The following AGO1 variants were observed in gnomAD, a reference collection of about 807,000 sequenced individuals.
AGO1 encodes the protein argonaute RISC component 1.
AGO1 carries 11 observed loss-of-function variants against 109.2 expected under a neutral mutation model. The ratio of observed to expected loss-of-function variants is 0.10; its 90% confidence interval spans 0.06 to 0.17. The LOEUF (loss-of-function observed/expected upper bound fraction) is 0.17, where lower values mean the gene tolerates loss of function less well. AGO1 is among the 10% of genes least tolerant of loss of function. AGO1 has a pLI of 1.00. For missense variants in AGO1, 574 were observed against 1,140.3 expected (o/e 0.50, Z 7.15); for synonymous variants, 422 against 418.6 (o/e 1.01, Z -0.10).
At chr1:35,912,851 C>T (rs55776148) in intron 12 of AGO1, among the ~76,000 whole-genome samples, 2 of 152,154 alleles carry the variant, frequency 1.3e-5, no homozygotes, top group African/African-American at 2.4e-5. Context: ...GGATTACAGG[C>T]GTAAGCCACC....
upstream of AGO1, chr1:35,882,952 A>T (rs1645052344): frequency 1.0e-6 from 1 of 970,446 alleles, no homozygotes; most frequent in Non-Finnish European, 1.2e-6. This position sits in a 1 kb window ranked among gnomAD's most constrained non-coding sequence, Gnocchi z 5.1. Flanking sequence ...GGAGGGACCT[A>T]TTTGGGGAAA....
Position 35,893,087 on chromosome 1 carries a change from C to T in AGO1, c.331-10C>T. On this transcript the variant is annotated splice_polypyrimidine_tract_variant and intron_variant, in intron 3 of 18. Transcript: ENST00000373204. The surrounding 1 kb of genome is among the most constrained non-coding windows in gnomAD (Gnocchi z 5.6). ...GCAATCCTTCATCCCTTTCTTTCAC[C>T]CTCCTGAAGGTCGACTTTGAGGTGA... 1 of 1,612,380 alleles carries T rather than the reference C, an allele frequency of 6.2e-7. No individual in the cohort carries two copies. Among genetic ancestry groups the T allele is most frequent in the East Asian group, 2.2e-5 (1 of 44,844 alleles).
chr1:35,899,652 A>G (rs1024524565), intron 8 of AGO1, among the ~76,000 whole-genome samples: 2 of 152,198 alleles, frequency 1.3e-5, no homozygotes, highest in African/African-American at 4.8e-5. Context: ...TGAATTGACT[A>G]TTTTGTTTAT....
Position 35,877,850 on chromosome 1 carries a change from G to A in AGO1, c.-201+7947G>A, listed in dbSNP as rs190320859. On this transcript the variant is annotated intron_variant, in intron 1 of 18. Transcript: ENST00000373206. ...CTGAGTAGCAGGCGAGCGCCACCACGCCCAGCTAATTTTTGTATTTTTAGT... is the reference window on the plus strand; with the variant it reads ...CTGAGTAGCAGGCGAGCGCCACCACACCCAGCTAATTTTTGTATTTTTAGT... Among the ~76,000 whole-genome samples the A allele has an allele frequency of 2.6e-5, 4 of 151,520 alleles. No homozygotes were observed. In the East Asian group the frequency reaches 7.8e-4, roughly 30 times the overall value.
chr1:35,926,232 C>T lies in AGO1; in HGVS notation c.*6625C>T, dbSNP rs1645924616. On this transcript the variant is annotated 3_prime_UTR_variant, in exon 19 of 19. Coordinates refer to ENST00000373204, the MANE Select transcript of AGO1 (RefSeq NM_012199.5). ...GAAAAGATTGATATTGAAAAGCCTT[C>T]AGGATTTGCCTGTGGTTGCTACTCA... The T allele has an allele frequency of 6.6e-6, 1 of 152,278 alleles. No individual in the cohort carries two copies. The highest frequency in any genetic ancestry group is 1.5e-5 in the Non-Finnish European group (1 of 68,024). The allele number at this position is 152,278 out of a possible 1,614,324, so 9.4% of individuals were successfully genotyped here. A position where few individuals can be genotyped will look rare whatever the true frequency, so the allele number is the denominator to read the frequency against.
chr1:35,918,952 G>A, intron 17 of AGO1, 103 bp from the exon 18 acceptor site: 1 of 1,073,348 alleles, frequency 9.3e-7, no homozygotes, highest in Non-Finnish European at 1.4e-6. Flanking sequence ...CTGTTCATGG[G>A]TGAATTATCT....
chr1:35,892,492 T>G lies in AGO1; in HGVS notation c.210-65T>G, dbSNP rs934650035. On this transcript the variant is annotated intron_variant, in intron 2 of 18. Transcript: ENST00000373204. ...GATGGGACATTGCCTGGACTTTGAA[T>G]TACTTCCAAAACTTGAAGTGGTGGT... The G allele has an allele frequency of 5.0e-6, 8 of 1,611,086 alleles. No homozygotes were observed. The African/African-American group carries it at 1.1e-4, about 22-fold the overall frequency.
chr1:35,891,586 A>T (rs957650598), intron 2 of AGO1, among the ~76,000 whole-genome samples: 1 of 150,816 alleles, frequency 6.6e-6, no homozygotes, highest in African/African-American at 2.4e-5. Context: ...TTTTTTTGAG[A>T]CGGAGTCTCA....
intron 1 of AGO1, among the ~76,000 whole-genome samples, chr1:35,878,188 A>T (rs1188740011): frequency 6.6e-6 from 1 of 151,718 alleles, no homozygotes; most frequent in Non-Finnish European, 1.5e-5. Flanking sequence ...GATTCACGCC[A>T]TTCTCCTGCC....
intron 8 of AGO1, among the ~76,000 whole-genome samples, chr1:35,897,085 A>C (rs1015299377): frequency 6.6e-6 from 1 of 152,262 alleles, no homozygotes; most frequent in African/African-American, 2.4e-5. Context: ...GATTAACAAG[A>C]CAGACAAGGT....
At chr1:35,894,668 G>A (rs1645287037) in intron 7 of AGO1, among the ~76,000 whole-genome samples, 2 of 152,120 alleles carry the variant, frequency 1.3e-5, no homozygotes, top group Non-Finnish European at 2.9e-5. Context: ...ATTCCTGTTA[G>A]GGTTAGGCAA....
upstream of AGO1, among the ~76,000 whole-genome samples, chr1:35,880,884 T>C (rs1645029575): frequency 6.6e-6 from 1 of 152,202 alleles, no homozygotes; most frequent in Non-Finnish European, 1.5e-5. Flanking sequence ...GGTCTCGAAC[T>C]CCTGACCTCA....
chr1:35,906,756 C>T (rs1645526724), intron 11 of AGO1, among the ~76,000 whole-genome samples, 179 bp from the exon 12 acceptor site: 1 of 151,526 alleles, frequency 6.6e-6, no homozygotes, highest in Admixed American at 6.6e-5. Context: ...TTGAGTGAGC[C>T]CAGATTGTGC....
chr1:35,902,284 C>T lies in AGO1; in HGVS notation c.1344C>T (p.Val448=), dbSNP rs1557612737. 1 of 1,614,188 alleles carries T rather than the reference C, an allele frequency of 6.2e-7. No homozygotes were observed. The highest frequency in any genetic ancestry group is 8.5e-7 in the Non-Finnish European group (1 of 1,180,034). The change falls in exon 11 of 19, where the codon GTC becomes GTT. Residue 448 remains valine (V), a synonymous_variant. Transcript: ENST00000373204. The stretch of plus-strand genomic sequence containing the variant: ...TCTACAATGGGATTGAGATCAAAGT[C>T]TGGGCCATCGCCTGCTTCGCACCCC... ...KQFYNGIEIK[V]WAIACFAPQK...
intron 12 of AGO1, among the ~76,000 whole-genome samples, chr1:35,910,193 AAAGACCCTTCACCATCCCTC>A (rs1206306057): frequency 6.7e-6 from 1 of 149,036 alleles, no homozygotes; most frequent in Non-Finnish European, 1.5e-5. Flanking sequence ...AGATTCTTCT[AAAGACCCTTCACCATCCCTC>A]CTGGGAGGCT....
chr1:35,912,470 G>A (rs1645653949), intron 12 of AGO1, among the ~76,000 whole-genome samples: 1 of 151,682 alleles, frequency 6.6e-6, no homozygotes, highest in South Asian at 2.1e-4. Context: ...CGAACCATGA[G>A]GCCCATTTGC....
chr1:35,919,289 T>A lies in AGO1; in HGVS notation c.2465+35T>A. Reference sequence around the variant, plus strand: ...GGGATCAGGTTGGCCTCCTTTTTGCTTCAGCCTATTGTGCCAGATCTTCTT... The same window carrying A: ...GGGATCAGGTTGGCCTCCTTTTTGCATCAGCCTATTGTGCCAGATCTTCTT... On this transcript the variant is annotated intron_variant, in intron 18 of 18. Transcript: ENST00000373204. This position sits in a 1 kb window ranked among gnomAD's most constrained non-coding sequence, Gnocchi z 6.6. 6.3e-7 allele frequency: 1 copy of A among 1,593,162 alleles called. No homozygotes were observed. Among genetic ancestry groups the A allele is most frequent in the East Asian group, 2.3e-5 (1 of 43,948 alleles).
At chr1:35,896,552 A>T (rs1349516859) in intron 8 of AGO1, among the ~76,000 whole-genome samples, 1 of 151,222 alleles carries the variant, frequency 6.6e-6, no homozygotes, top group Non-Finnish European at 1.5e-5. Context: ...TTTAGTAGAG[A>T]TGGGGTTTTG....
At chr1:35,889,671 GAAAGA>G (rs1242804193) in intron 2 of AGO1, among the ~76,000 whole-genome samples, 2 of 150,826 alleles carry the variant, frequency 1.3e-5, no homozygotes, top group Non-Finnish European at 3.0e-5. Context: ...TTCTTTTTGA[GAAAGA>G]AAAATTAGAT....
Sources: gnomAD v4.1 joint callset for allele counts (sites outside exome capture counted in the v4.1 genomes callset) on GRCh38, gnomAD v4.1.1 for gene constraint, Gnocchi (gnomAD v3.1) non-coding constraint, MANE v1.5 for transcripts, NCBI Gene and HGNC (gene_info 2026-07-23, HGNC 2026-07-21) for gene names.